The following DNAH10 variants were observed in gnomAD, a reference collection of about 807,000 sequenced individuals.
The protein encoded by DNAH10 is axonemal beta dynein heavy chain 10.
Under a neutral mutation model 506.6 loss-of-function variants are expected in DNAH10, and 348 were observed. The observed-to-expected ratio is 0.69, with a 90% CI of 0.63 to 0.75. The LOEUF (loss-of-function observed/expected upper bound fraction) is 0.75. Among genes scored for constraint, DNAH10 ranks in the 30% least tolerant of loss-of-function variants. DNAH10 has a pLI of 0.00. For missense variants in DNAH10, 5,179 were observed against 5,787.1 expected, an observed-to-expected ratio of 0.89 and a Z score of 3.41; for synonymous variants, 2,059 against 2,198.6, an observed-to-expected ratio of 0.94 and a Z score of 1.78.
intron 6 of DNAH10, 75 bp downstream of exon 6, chr12:123,781,374 C>T (rs1478706362): frequency 8.1e-6 from 11 of 1,353,406 alleles, no homozygotes; most frequent in Admixed American, 2.1e-5. Context: ...TGCATGCCAC[C>T]ATGCCTGGCT....
At chr12:123,820,036 A>G (rs1161759270) in intron 23 of DNAH10, among the ~76,000 whole-genome samples, 1 of 152,188 alleles carries the variant, frequency 6.6e-6, no homozygotes, top group Non-Finnish European at 1.5e-5. Context: ...GAATTTGGTA[A>G]ATACCATGAG....
chr12:123,808,468 G>T (rs1958800221), intron 18 of DNAH10, among the ~76,000 whole-genome samples: 1 of 152,192 alleles, frequency 6.6e-6, no homozygotes, highest in African/African-American at 2.4e-5. Context: ...ATCCTGGAAA[G>T]GATGGAGCCA....
chr12:123,837,130 T>C (rs895149612), intron 28 of DNAH10, among the ~76,000 whole-genome samples: 10 of 144,676 alleles, frequency 6.9e-5, no homozygotes, highest in Non-Finnish European at 1.3e-4. Context: ...GGATTACAGA[T>C]GTGAGCCACT....
chr12:123,824,943 C>T (rs368117408), intron 24 of DNAH10, among the ~76,000 whole-genome samples: 3 of 152,102 alleles, frequency 2.0e-5, no homozygotes, highest in South Asian at 2.1e-4. Flanking sequence ...CTATTCAGCC[C>T]GGTACACTTG....
At chr12:123,795,070 C>A (rs1958225301) in intron 12 of DNAH10, among the ~76,000 whole-genome samples, 2 of 150,302 alleles carry the variant, frequency 1.3e-5, no homozygotes, top group Admixed American at 1.3e-4. Context: ...GTCGCTTGAA[C>A]CCGGGAAGTG....
At chr12:123,841,162 C>T (rs980160350) in intron 29 of DNAH10, among the ~76,000 whole-genome samples, 160 bp from the exon 30 acceptor site, 1 of 152,208 alleles carries the variant, frequency 6.6e-6, no homozygotes, top group Non-Finnish European at 1.5e-5. Context: ...TTTGGGATGA[C>T]CACACAGGTG....
rs533159037 is a variant in DNAH10 at position 123,768,826 on chromosome 12, A to G, written c.298+1137A>G. Among the ~76,000 whole-genome samples, 6 of 152,008 alleles carry G rather than the reference A, an allele frequency of 3.9e-5. No individual in the cohort carries two copies. In the East Asian group the frequency reaches 1.2e-3, roughly 30 times the overall value. ...CTGTCATAGCTCACTTTAGCCTCTAACTTCTAGGCTCAAGCAATCCTCCTG... is the reference window on the plus strand; with the variant it reads ...CTGTCATAGCTCACTTTAGCCTCTAGCTTCTAGGCTCAAGCAATCCTCCTG... On this transcript the variant is annotated intron_variant, in intron 2 of 78. Coordinates refer to ENST00000673944, the MANE Select transcript of DNAH10 (RefSeq NM_001372106.1).
In DNAH10 at chr12:123,779,640, G is replaced by T. The variant is rs543457294; in HGVS notation, c.622-1440G>T. On this transcript the variant is annotated intron_variant, in intron 5 of 78. Coordinates refer to ENST00000673944, the MANE Select transcript of DNAH10 (RefSeq NM_001372106.1). ...GAGAGAGAAACAAAACCAAAACCAA[G>T]AATTTGATTCCTGATGGAAGATACA... is the stretch of plus-strand genomic sequence containing the variant. Among the ~76,000 whole-genome samples the T allele has an allele frequency of 2.8e-4, 42 of 151,550 alleles. 1 individual carries two copies. Among genetic ancestry groups the T allele is most frequent in the Non-Finnish European group, 3.2e-4 (22 of 67,944 alleles).
chr12:123,778,665 C>T (rs190273385), intron 5 of DNAH10, among the ~76,000 whole-genome samples: 38 of 151,486 alleles, frequency 2.5e-4, no homozygotes, highest in Non-Finnish European at 3.8e-4. Context: ...CACTGCACTC[C>T]AGCCTGGGTG....
chr12:123,773,829 G>T (rs1419624192), intron 4 of DNAH10, among the ~76,000 whole-genome samples: 1 of 152,196 alleles, frequency 6.6e-6, no homozygotes, highest in Non-Finnish European at 1.5e-5. Flanking sequence ...TAGCAGCAAA[G>T]AATCCAGCCA....
At chr12:123,848,934 A>G (rs1226655864) in intron 34 of DNAH10, 52 bp downstream of exon 34, 4 of 1,593,966 alleles carry the variant, frequency 2.5e-6, no homozygotes, top group African/African-American at 2.7e-5. Flanking sequence ...AAGTTTGCCA[A>G]GTATGGTAAG....
rs1250191105 is a variant in DNAH10 at position 123,903,805 on chromosome 12, C to T, written c.9815+692C>T. On this transcript the variant is annotated intron_variant, in intron 57 of 78. Coordinates refer to ENST00000673944, the MANE Select transcript of DNAH10 (RefSeq NM_001372106.1). This position sits in a 1 kb window ranked among gnomAD's most constrained non-coding sequence, Gnocchi z 4.6. ...GGAACACTGTCCTGGTGCCAGCCTCCGCCCACTGCCTCTGCCCCTGTGCTG... is the reference window on the plus strand; with the variant it reads ...GGAACACTGTCCTGGTGCCAGCCTCTGCCCACTGCCTCTGCCCCTGTGCTG... 3.3e-5 allele frequency among the ~76,000 whole-genome samples: 5 copies of T among 152,194 alleles called. No homozygotes were observed. The South Asian group carries it at 8.3e-4, about 25-fold the overall frequency.
rs1566104318 is a variant in DNAH10 at position 123,919,052 on chromosome 12, T to G, written c.11506+103T>G. On this transcript the variant is annotated intron_variant, in intron 65 of 78. Coordinates refer to ENST00000673944, the MANE Select transcript of DNAH10 (RefSeq NM_001372106.1). The surrounding 1 kb of genome is among the most constrained non-coding windows in gnomAD (Gnocchi z 4.9). ...GAAAATGGAAAGTTACCAAATAGCATTTTTTCTTTTTTCTTTCTTTCTTTC... is the reference window on the plus strand; with the variant it reads ...GAAAATGGAAAGTTACCAAATAGCAGTTTTTCTTTTTTCTTTCTTTCTTTC... 4.5e-6 allele frequency: 6 copies of G among 1,328,588 alleles called. No homozygotes were observed. Among genetic ancestry groups the G allele is most frequent in the Non-Finnish European group, 6.0e-6 (6 of 998,124 alleles). 82.3% of individuals were successfully genotyped at this position (1,328,588 alleles called of 1,614,324 possible).
chr12:123,868,451 C>T (rs1463904759), intron 43 of DNAH10, among the ~76,000 whole-genome samples: 3 of 152,176 alleles, frequency 2.0e-5, no homozygotes, highest in East Asian at 1.9e-4. Flanking sequence ...GCTTCCCTAT[C>T]TGTCTTTTTA....
intron 5 of DNAH10, among the ~76,000 whole-genome samples, chr12:123,778,214 A>C (rs1394566202): frequency 1.3e-5 from 2 of 151,512 alleles, no homozygotes; most frequent in Non-Finnish European, 2.9e-5. Flanking sequence ...AAAAAAAAAA[A>C]ATGAAAAATA....
At chr12:123,783,649 A>C (rs1020856393) in intron 7 of DNAH10, among the ~76,000 whole-genome samples, 37 of 152,310 alleles carry the variant, frequency 2.4e-4, no homozygotes, top group East Asian at 3.9e-4. Flanking sequence ...TCTCAGTTCT[A>C]GACCCCTTTC....
chr12:123,902,767 G>A lies in DNAH10; in HGVS notation c.9641-172G>A, dbSNP rs1351273661. On this transcript the variant is annotated intron_variant, in intron 56 of 78. Coordinates refer to ENST00000673944, the MANE Select transcript of DNAH10 (RefSeq NM_001372106.1). This position sits in a 1 kb window ranked among gnomAD's most constrained non-coding sequence, Gnocchi z 4.5. ...CCTAGTGCTGGAGGCCCCACGCATG[G>A]TGAGGTTTTCTGTCCCACCAGGATC... 6.6e-6 allele frequency among the ~76,000 whole-genome samples: 1 copy of A among 152,320 alleles called. No individual in the cohort carries two copies. The highest frequency in any genetic ancestry group is 1.5e-5 in the Non-Finnish European group (1 of 68,032).
chr12:123,852,025 C>A (rs752247428), intron 35 of DNAH10, among the ~76,000 whole-genome samples: 4 of 152,210 alleles, frequency 2.6e-5, no homozygotes, highest in Non-Finnish European at 5.9e-5. Context: ...CCCACCTCAG[C>A]CTCCCGAGTA....
intron 72 of DNAH10, 93 bp from the exon 73 acceptor site, chr12:123,930,309 T>C: frequency 1.6e-6 from 2 of 1,279,418 alleles, no homozygotes; most frequent in Non-Finnish European, 2.1e-6. Flanking sequence ...TGCTGGAGTC[T>C]CTTGACCCTG....
Sources: allele counts gnomAD v4.1 joint callset (sites outside exome capture counted in the v4.1 genomes callset), GRCh38; gene constraint gnomAD v4.1.1; non-coding constraint Gnocchi (gnomAD v3.1); transcripts MANE v1.5; gene names NCBI Gene and HGNC (gene_info 2026-07-23, HGNC 2026-07-21).